The following AK5 variants were observed in gnomAD, a reference collection of about 807,000 sequenced individuals.
The protein encoded by AK5 is adenylate kinase 5.
AK5 carries 27 observed loss-of-function variants against 69.5 expected under a neutral mutation model. The ratio of observed to expected loss-of-function variants is 0.39; its 90% CI spans 0.29 to 0.54. AK5 has a LOEUF of 0.54. Ranked by LOEUF, AK5 falls within the 20% of genes least tolerant of loss-of-function variation. AK5 has a pLI of 0.71. For synonymous variants in AK5, 260 were observed against 244.4 expected (o/e 1.06, Z -0.60); for missense variants, 531 against 700.4 (o/e 0.76, Z 2.73).
intron 12 of AK5, among the ~76,000 whole-genome samples, chr1:77,529,673 T>C (rs930362863): frequency 2.0e-5 from 3 of 152,170 alleles, no homozygotes; most frequent in African/African-American, 7.2e-5. Context: ...TGGTGTGAAA[T>C]TGAAATGCTT....
chr1:77,368,823 G>A, intron 6 of AK5, among the ~76,000 whole-genome samples: 1 of 152,054 alleles, frequency 6.6e-6, no homozygotes, highest in East Asian at 1.9e-4. Flanking sequence ...GATTAGGGAT[G>A]TTCAACCGGA....
chr1:77,407,460 T>G (rs895753165), intron 6 of AK5, among the ~76,000 whole-genome samples: 4 of 152,092 alleles, frequency 2.6e-5, no homozygotes, highest in Non-Finnish European at 4.4e-5. Context: ...AAATAATCTG[T>G]GGTTACAGAA....
chr1:77,424,937 GA>G (rs1234814596), intron 8 of AK5, among the ~76,000 whole-genome samples: 1 of 152,118 alleles, frequency 6.6e-6, no homozygotes, highest in Admixed American at 6.6e-5. Flanking sequence ...TATCAAGCAA[GA>G]TAAACGCCCC....
chr1:77,377,517 GACATTACT>G (rs2100493839), intron 6 of AK5, among the ~76,000 whole-genome samples: 1 of 152,240 alleles, frequency 6.6e-6, no homozygotes, highest in Admixed American at 6.5e-5. Flanking sequence ...TTTTCTTGCT[GACATTACT>G]ACAATAACTC....
intron 11 of AK5, among the ~76,000 whole-genome samples, chr1:77,520,804 T>C (rs548487064): frequency 6.6e-6 from 1 of 152,374 alleles, no homozygotes; most frequent in Non-Finnish European, 1.5e-5. Flanking sequence ...TTCATTAGAA[T>C]ATAAACTTCA....
intron 2 of AK5, among the ~76,000 whole-genome samples, chr1:77,288,449 A>G (rs1658487190): frequency 1.3e-5 from 2 of 152,198 alleles, no homozygotes; most frequent in African/African-American, 4.8e-5. Context: ...AGACAATTCT[A>G]TCTGCAATGA....
chr1:77,531,766 C>G (rs1261176789), intron 12 of AK5, among the ~76,000 whole-genome samples: 1 of 151,958 alleles, frequency 6.6e-6, no homozygotes, highest in Non-Finnish European at 1.5e-5. Flanking sequence ...TGCGCCCGCA[C>G]TCCTCAGGGT....
intron 6 of AK5, among the ~76,000 whole-genome samples, chr1:77,362,642 A>G (rs892950902): frequency 7.2e-5 from 11 of 152,240 alleles, no homozygotes; most frequent in African/African-American, 2.4e-4. Context: ...CAGGACATGA[A>G]GCATGAATGC....
chr1:77,301,559 A>T (rs1445001810), intron 5 of AK5, among the ~76,000 whole-genome samples: 1 of 152,140 alleles, frequency 6.6e-6, no homozygotes, highest in African/African-American at 2.4e-5. Flanking sequence ...TTCTTCCCAC[A>T]CATACAATGT....
intron 2 of AK5, among the ~76,000 whole-genome samples, chr1:77,291,382 C>G (rs1557467126): frequency 6.6e-6 from 1 of 152,116 alleles, no homozygotes; most frequent in East Asian, 1.9e-4. Context: ...ACTTTAACAG[C>G]CTAGCTGCTA....
intron 13 of AK5, among the ~76,000 whole-genome samples, chr1:77,537,827 G>C (rs1223187584): frequency 6.6e-6 from 1 of 152,140 alleles, no homozygotes; most frequent in Non-Finnish European, 1.5e-5. Context: ...TCAAATATGT[G>C]GCATGAGAGA....
chr1:77,391,483 A>ATGTG (rs377483838), intron 6 of AK5, among the ~76,000 whole-genome samples: 58 of 92,400 alleles, frequency 6.3e-4, no homozygotes, highest in African/African-American at 2.3e-3. Context: ...GTGTGTGTGT[A>ATGTG]TGTGTGTGTG....
intron 13 of AK5, among the ~76,000 whole-genome samples, chr1:77,550,416 T>G (rs1659766731): frequency 6.6e-6 from 1 of 152,150 alleles, no homozygotes; most frequent in Non-Finnish European, 1.5e-5. Context: ...TTACTATAAA[T>G]TAATATTATA....
chr1:77,515,049 C>T lies in AK5; in HGVS notation c.1148-3515C>T, dbSNP rs115064773. Among the ~76,000 whole-genome samples the T allele has an allele frequency of 6.2e-3, 945 of 152,264 alleles. 16 individuals are homozygous for T. The highest frequency in any genetic ancestry group is 0.021 in the African/African-American group (873 of 41,560). ...TCTCCATTCCTATTATACTGAGAGA[C>T]GGGAGGCATAGTGCTTACAGTAAAC... On this transcript the variant is annotated intron_variant, in intron 10 of 13. Transcript: ENST00000354567.
At chr1:77,300,659 A>G (rs1659290515) in intron 5 of AK5, among the ~76,000 whole-genome samples, 1 of 152,152 alleles carries the variant, frequency 6.6e-6, no homozygotes, top group Non-Finnish European at 1.5e-5. Flanking sequence ...AATTCAGTTC[A>G]ACTTGGACAC....
At chr1:77,546,918 G>A (rs1659571251) in intron 13 of AK5, among the ~76,000 whole-genome samples, 1 of 152,206 alleles carries the variant, frequency 6.6e-6, no homozygotes, top group Non-Finnish European at 1.5e-5. Flanking sequence ...AGATGAAGGA[G>A]AAGGAACAAA....
intron 8 of AK5, among the ~76,000 whole-genome samples, chr1:77,451,376 A>G (rs1249236527): frequency 6.6e-6 from 1 of 152,226 alleles, no homozygotes; most frequent in Admixed American, 6.5e-5. Context: ...ATTTTTGTAA[A>G]CACATTTTAA....
intron 6 of AK5, among the ~76,000 whole-genome samples, chr1:77,351,605 A>G (rs1662203864): frequency 6.6e-6 from 1 of 152,170 alleles, no homozygotes; most frequent in Non-Finnish European, 1.5e-5. Context: ...TCCACACAGA[A>G]AAAAGGTGAG....
intron 6 of AK5, among the ~76,000 whole-genome samples, chr1:77,343,697 T>C (rs936327266): frequency 1.3e-5 from 2 of 152,166 alleles, no homozygotes; most frequent in Non-Finnish European, 2.9e-5. Context: ...TCAGTGTGAT[T>C]ATGAGGAGTA....
Sources: gnomAD v4.1 joint callset for allele counts (sites outside exome capture counted in the v4.1 genomes callset) on GRCh38, gnomAD v4.1.1 for gene constraint, MANE v1.5 for transcripts, NCBI Gene and HGNC (gene_info 2026-07-23, HGNC 2026-07-21) for gene names.